Variants in NAV2 observed in about 807,000 individuals in gnomAD.
NAV2 encodes the protein neuron navigator 2.
NAV2 carries 54 observed loss-of-function variants against 223.2 expected under a neutral mutation model. That is an observed-to-expected ratio of 0.24 (90% CI 0.19 to 0.30). The LOEUF is 0.30. NAV2 is among the 10% of genes least tolerant of loss of function. NAV2 has a pLI of 1.00. For missense variants in NAV2, 2,806 were observed against 3,147.5 expected, an observed-to-expected ratio of 0.89 and a Z score of 2.60; for synonymous variants, 1,279 against 1,239.3, an observed-to-expected ratio of 1.03 and a Z score of -0.67.
intron 1 of NAV2, among the ~76,000 whole-genome samples, chr11:19,371,385 C>A (rs186998965): frequency 5.3e-4 from 81 of 152,248 alleles, no homozygotes; most frequent in African/African-American, 1.9e-3. Context: ...TCTAGTTTAA[C>A]CCTCCCTCAT....
intron 1 of NAV2, among the ~76,000 whole-genome samples, chr11:19,371,979 A>G (rs969777253): frequency 6.6e-6 from 1 of 151,982 alleles, no homozygotes; most frequent in Admixed American, 6.6e-5. Context: ...GGGTTTTACC[A>G]TGTTGGCCAG....
chr11:19,858,713 G>C (rs547131927), intron 3 of NAV2, among the ~76,000 whole-genome samples: 3 of 152,196 alleles, frequency 2.0e-5, no homozygotes, highest in Non-Finnish European at 2.9e-5. Flanking sequence ...CAATAGAAGA[G>C]ACTTTGACCA....
intron 10 of NAV2, chr11:19,978,565 G>C (rs2050008418): frequency 6.6e-6 from 1 of 151,662 alleles, no homozygotes; most frequent in Non-Finnish European, 1.5e-5. Flanking sequence ...AAAAAATAGA[G>C]ACAGGCTGAC....
At chr11:19,840,247 T>C (rs1450320580) in intron 2 of NAV2, among the ~76,000 whole-genome samples, 2 of 152,214 alleles carry the variant, frequency 1.3e-5, no homozygotes, top group Non-Finnish European at 2.9e-5. Context: ...CATCAGTTTA[T>C]TTTGACTTTT....
At chr11:19,708,000 T>C (rs562809200), upstream of NAV2, among the ~76,000 whole-genome samples, 4 of 152,306 alleles carry the variant, frequency 2.6e-5, no homozygotes, top group South Asian at 8.3e-4. Flanking sequence ...TAAACACACA[T>C]ACACACATAC....
chr11:19,781,234 C>T (rs1245588859), intron 1 of NAV2, among the ~76,000 whole-genome samples: 2 of 152,104 alleles, frequency 1.3e-5, no homozygotes, highest in Admixed American at 6.5e-5. Context: ...TATCAGACAC[C>T]CTGGATGCCT....
chr11:19,940,883 G>T (rs557659066), intron 8 of NAV2, among the ~76,000 whole-genome samples: 29 of 152,212 alleles, frequency 1.9e-4, no homozygotes, highest in Non-Finnish European at 3.8e-4. Context: ...TTCAAGGTTT[G>T]TATCTTTCTT....
intron 7 of NAV2, 67 bp from the exon 8 acceptor site, chr11:19,939,594 C>T: frequency 7.8e-7 from 1 of 1,281,288 alleles, no homozygotes; most frequent in East Asian, 2.3e-5. Flanking sequence ...TGTGGTTAGA[C>T]CACAGTGGTC....
chr11:19,708,898 G>GT (rs1011078484), upstream of NAV2, among the ~76,000 whole-genome samples: 4 of 135,238 alleles, frequency 3.0e-5, no homozygotes, highest in Admixed American at 7.6e-5. Context: ...AATGCATATA[G>GT]TAAAAAAAAA....
chr11:20,033,111 CT>C (rs961399001), intron 11 of NAV2, among the ~76,000 whole-genome samples: 6 of 152,224 alleles, frequency 3.9e-5, no homozygotes, highest in Non-Finnish European at 5.9e-5. Flanking sequence ...TAGACATTTG[CT>C]TTTTAAACCC....
chr11:19,575,237 C>T (rs770089333), intron 1 of NAV2: 1 of 154,100 alleles, frequency 6.5e-6, no homozygotes, highest in South Asian at 2.0e-4. Context: ...GGGTTCTTAG[C>T]AGCAGACTAG....
intron 1 of NAV2, among the ~76,000 whole-genome samples, chr11:19,739,225 C>G (rs931843179): frequency 2.0e-5 from 3 of 152,288 alleles, no homozygotes; most frequent in Non-Finnish European, 4.4e-5. Flanking sequence ...ACACACTTCC[C>G]TTGTAATCCT....
intron 11 of NAV2, chr11:20,027,392 G>C (rs2034164757): frequency 1.0e-6 from 1 of 981,414 alleles, no homozygotes; most frequent in Non-Finnish European, 1.2e-6. Context: ...GAATGCAGCT[G>C]TCTGGCGGGG....
chr11:19,759,724 A>G (rs1213826752), intron 1 of NAV2, among the ~76,000 whole-genome samples: 3 of 152,156 alleles, frequency 2.0e-5, no homozygotes, highest in African/African-American at 4.8e-5. Context: ...TGTAAAATAT[A>G]AATAATAATG....
At chr11:19,367,278 C>G (rs1227176481) in intron 1 of NAV2, among the ~76,000 whole-genome samples, 1 of 152,172 alleles carries the variant, frequency 6.6e-6, no homozygotes, top group African/African-American at 2.4e-5. Context: ...TCTCTGCCTC[C>G]CACTTACCCA....
At chr11:19,974,343 T>C (rs181656548) in intron 10 of NAV2, among the ~76,000 whole-genome samples, 1 of 152,328 alleles carries the variant, frequency 6.6e-6, no homozygotes, top group Non-Finnish European at 1.5e-5. Flanking sequence ...GGAATTATAT[T>C]CTGTGATACT....
intron 5 of NAV2, among the ~76,000 whole-genome samples, chr11:19,881,822 T>G (rs1464044566): frequency 6.6e-6 from 1 of 152,182 alleles, no homozygotes; most frequent in Non-Finnish European, 1.5e-5. Flanking sequence ...TTAGGTTTGG[T>G]TGATAGAAAG....
chr11:19,681,606 T>C (rs2048882158), intron 1 of NAV2, among the ~76,000 whole-genome samples: 1 of 152,202 alleles, frequency 6.6e-6, no homozygotes, highest in African/African-American at 2.4e-5. Flanking sequence ...TAGCAATAGG[T>C]TTGCCCCTTG....
chr11:19,777,437 C>G lies in NAV2; in HGVS notation c.268-55047C>G, dbSNP rs537102077. On this transcript the variant is annotated intron_variant, in intron 1 of 37. Transcript: ENST00000349880. ...TTTTTTTCCCCTCCTCCTTTTTCCT[C>G]TGCCCCTTCCTTCCTCGCCCTGAAG... The G allele has an allele frequency of 2.4e-5, 11 of 449,476 alleles. No homozygotes were observed. The East Asian group carries it at 6.4e-4, about 26-fold the overall frequency. 27.8% of individuals were successfully genotyped at this position (449,476 alleles called of 1,614,324 possible).
Sources: gnomAD v4.1 joint callset for allele counts (sites outside exome capture counted in the v4.1 genomes callset) on GRCh38, gnomAD v4.1.1 for gene constraint, MANE v1.5 for transcripts, NCBI Gene and HGNC (gene_info 2026-07-23, HGNC 2026-07-21) for gene names.